Variants in APOO observed in about 807,000 individuals in gnomAD.
The protein encoded by APOO is apolipoprotein O.
APOO carries 11 observed loss-of-function variants against 23.1 expected under a neutral mutation model. The ratio of observed to expected loss-of-function variants is 0.48; its 90% CI spans 0.30 to 0.79. The LOEUF is 0.79. Ranked by LOEUF, APOO falls within the 30% of genes least tolerant of loss-of-function variation. APOO has a pLI of 0.07. For missense variants in APOO, 160 were observed against 142.7 expected, an observed-to-expected ratio of 1.12 and a Z score of -0.62; for synonymous variants, 59 against 54.8, an observed-to-expected ratio of 1.08 and a Z score of -0.34.
chrX:23,864,164 T>A (rs1186312974), intron 5 of APOO, among the ~76,000 whole-genome samples: 2 of 105,515 alleles, frequency 1.9e-5, no homozygotes, highest in African/African-American at 7.0e-5. Flanking sequence ...CCCAAATAAT[T>A]TTGTATTTTT....
intron 4 of APOO, among the ~76,000 whole-genome samples, chrX:23,870,489 T>C (rs751106736): frequency 8.9e-6 from 1 of 111,898 alleles, no homozygotes; most frequent in South Asian, 3.7e-4. Context: ...TCAATAGATA[T>C]TTATTAAGAA....
chrX:23,888,748 G>A (rs1431646757), intron 1 of APOO, among the ~76,000 whole-genome samples: 3 of 107,025 alleles, frequency 2.8e-5, no homozygotes, highest in Non-Finnish European at 5.8e-5. Flanking sequence ...TACTCGGGAG[G>A]CTGAGGCAAG....
At chrX:23,863,866 T>C (rs1458772242) in intron 5 of APOO, among the ~76,000 whole-genome samples, 2 of 110,698 alleles carry the variant, frequency 1.8e-5, no homozygotes, top group Non-Finnish European at 3.8e-5. Flanking sequence ...TGGAGAAACC[T>C]GAGAATGAGG....
Position 23,856,293 on chromosome X carries a change from G to A in APOO, c.561+9C>T. 8.3e-7 allele frequency: 1 copy of A among 1,200,115 alleles called. No individual in the cohort carries two copies. Among genetic ancestry groups the A allele is most frequent in the Non-Finnish European group, 1.1e-6 (1 of 887,551 alleles). On this transcript the variant is annotated intron_variant, in intron 7 of 8. Coordinates refer to ENST00000379226, the MANE Select transcript of APOO (RefSeq NM_024122.5). ...CCAAAAGGAAGATAATGAAAAAGATGCTCCTCACCTTTTGAAAGTTCTCCT... is the reference window on the plus strand; with the variant it reads ...CCAAAAGGAAGATAATGAAAAAGATACTCCTCACCTTTTGAAAGTTCTCCT...
intron 5 of APOO, among the ~76,000 whole-genome samples, chrX:23,860,284 C>T (rs1403996497): frequency 5.4e-5 from 6 of 110,352 alleles, no homozygotes; most frequent in Non-Finnish European, 1.1e-4. Context: ...AACGCAAGTC[C>T]GATGCATGGA....
intron 1 of APOO, among the ~76,000 whole-genome samples, chrX:23,904,120 C>G (rs942318097): frequency 8.9e-6 from 1 of 111,798 alleles, no homozygotes; most frequent in Non-Finnish European, 1.9e-5. Flanking sequence ...TAACTCATAT[C>G]TCATCTAGCT....
At chrX:23,834,043 A>G (rs1033509272) in intron 8 of APOO, among the ~76,000 whole-genome samples, 1 of 110,870 alleles carries the variant, frequency 9.0e-6, no homozygotes, top group Admixed American at 9.8e-5. Context: ...TTATATGACC[A>G]TAAGAAACAT....
chrX:23,839,706 A>C (rs1275191654), intron 8 of APOO, among the ~76,000 whole-genome samples: 1 of 111,862 alleles, frequency 8.9e-6, no homozygotes, highest in African/African-American at 3.2e-5. Context: ...CTATAAACAT[A>C]TCACACTACC....
At chrX:23,856,509 A>G in intron 6 of APOO, 127 bp from the exon 7 acceptor site, 1 of 464,613 alleles carries the variant, frequency 2.2e-6, no homozygotes, top group South Asian at 4.7e-5. Context: ...AGCACTATGC[A>G]TAATAGCAAA....
chrX:23,863,062 G>A (rs1333060294), intron 5 of APOO, among the ~76,000 whole-genome samples: 1 of 111,987 alleles, frequency 8.9e-6, no homozygotes, highest in Non-Finnish European at 1.9e-5. Flanking sequence ...GGCTGGGCAT[G>A]GTGGCTCATG....
chrX:23,904,683 T>C (rs1203406800), intron 1 of APOO, among the ~76,000 whole-genome samples: 1 of 109,666 alleles, frequency 9.1e-6, no homozygotes, highest in Non-Finnish European at 1.9e-5. Context: ...ATTTTTTGTA[T>C]TTTTAGTAGA....
rs182289436 is a variant in APOO, at chrX:23,885,125, G to A, written c.10-4173C>T. On this transcript the variant is annotated intron_variant, in intron 1 of 8. Transcript: ENST00000379226. ...CTCATAAAGCACAGTAAGGCCGGGTGCGGTGGCTCACGTCTGTAATCCCAG... is the reference window on the plus strand; with the variant it reads ...CTCATAAAGCACAGTAAGGCCGGGTACGGTGGCTCACGTCTGTAATCCCAG... 2.4e-3 allele frequency among the ~76,000 whole-genome samples: 268 copies of A among 109,977 alleles called. 2 individuals are homozygous for A. Among genetic ancestry groups the A allele is most frequent in the Middle Eastern group, 4.7e-3 (1 of 212 alleles).
chrX:23,873,753 T>C (rs1318592632), intron 4 of APOO, among the ~76,000 whole-genome samples: 1 of 112,042 alleles, frequency 8.9e-6, no homozygotes, highest in Non-Finnish European at 1.9e-5. Context: ...TATTTTGTTC[T>C]ATCATGGAAA....
intron 8 of APOO, chrX:23,837,229 C>G (rs2146960242): frequency 2.5e-6 from 2 of 815,198 alleles, no homozygotes; most frequent in African/African-American, 2.1e-5. Context: ...CAGGGTTCCT[C>G]TGGGGCCCTT....
intron 3 of APOO, among the ~76,000 whole-genome samples, 163 bp downstream of exon 3, chrX:23,878,752 C>T (rs1345262533): frequency 9.1e-6 from 1 of 109,565 alleles, no homozygotes; most frequent in Non-Finnish European, 1.9e-5. Flanking sequence ...CACCCATTAG[C>T]CATCCCCACC....
At chrX:23,842,724 C>G (rs1393622072) in intron 7 of APOO, among the ~76,000 whole-genome samples, 1 of 111,406 alleles carries the variant, frequency 9.0e-6, no homozygotes, top group East Asian at 2.9e-4. Flanking sequence ...CAAGGTGGTT[C>G]TCGGCAGGGC....
At chrX:23,903,098 G>A (rs1265607840) in intron 1 of APOO, among the ~76,000 whole-genome samples, 4 of 111,976 alleles carry the variant, frequency 3.6e-5, no homozygotes, top group Admixed American at 1.9e-4. Flanking sequence ...GGCCGGGTGC[G>A]GCGGCTCACG....
intron 4 of APOO, among the ~76,000 whole-genome samples, chrX:23,871,263 T>C (rs1422326168): frequency 3.9e-5 from 4 of 102,709 alleles, no homozygotes; most frequent in Non-Finnish European, 5.9e-5. Context: ...CTCGGGAGGC[T>C]GAGGCAGGAG....
intron 1 of APOO, among the ~76,000 whole-genome samples, chrX:23,905,599 T>C: frequency 9.0e-6 from 1 of 110,576 alleles, no homozygotes; most frequent in Non-Finnish European, 1.9e-5. Flanking sequence ...TCCCCAGGGG[T>C]TCCTTACCTT....
Sources: gnomAD v4.1 joint callset for allele counts (sites outside exome capture counted in the v4.1 genomes callset) on GRCh38, gnomAD v4.1.1 for gene constraint, MANE v1.5 for transcripts, NCBI Gene and HGNC (gene_info 2026-07-23, HGNC 2026-07-21) for gene names.